DLG2: variants seen among roughly 807,000 people sequenced by gnomAD.
DLG2 encodes discs large MAGUK scaffold protein 2.
Under a neutral mutation model 132.5 loss-of-function variants are expected in DLG2, and 45 were observed. That is an observed-to-expected ratio of 0.34 (90% CI 0.27 to 0.44). DLG2 has a LOEUF of 0.44. Ranked by LOEUF, DLG2 falls within the 20% of genes least tolerant of loss-of-function variation. The pLI is 1.00. For missense variants in DLG2, 1,045 were observed against 1,196.9 expected, an observed-to-expected ratio of 0.87 and a Z score of 1.87; for synonymous variants, 424 against 419.6, an observed-to-expected ratio of 1.01 and a Z score of -0.13.
intron 6 of DLG2, among the ~76,000 whole-genome samples, chr11:84,713,430 T>C (rs1190702244): frequency 6.6e-6 from 1 of 152,144 alleles, no homozygotes; most frequent in African/African-American, 2.4e-5. Context: ...TCAGTGTGTG[T>C]ATGTATTGAG....
At chr11:85,278,429 C>G (rs746483378) in intron 4 of DLG2, among the ~76,000 whole-genome samples, 4 of 152,026 alleles carry the variant, frequency 2.6e-5, no homozygotes, top group Non-Finnish European at 4.4e-5. Flanking sequence ...TGGTGAAACC[C>G]GTCTGTACTA....
intron 21 of DLG2, among the ~76,000 whole-genome samples, chr11:83,524,032 A>G (rs867217726): frequency 1.3e-5 from 2 of 152,188 alleles, no homozygotes; most frequent in African/African-American, 4.8e-5. Flanking sequence ...AGAAAAGAGT[A>G]GTGTTAGGAA....
At chr11:84,927,990 C>T (rs2047604464) in intron 6 of DLG2, among the ~76,000 whole-genome samples, 1 of 151,900 alleles carries the variant, frequency 6.6e-6, no homozygotes, top group South Asian at 2.1e-4. Flanking sequence ...GTTTGAGAAT[C>T]ACTGCTCTGA....
intron 15 of DLG2, among the ~76,000 whole-genome samples, chr11:83,919,340 G>A (rs2077451713): frequency 6.6e-6 from 1 of 152,062 alleles, no homozygotes; most frequent in Non-Finnish European, 1.5e-5. Context: ...AAAGGAAAAC[G>A]GGGCTACTAT....
At chr11:85,483,597 T>A (rs965255655) in intron 3 of DLG2, among the ~76,000 whole-genome samples, 1 of 152,168 alleles carries the variant, frequency 6.6e-6, no homozygotes, top group African/African-American at 2.4e-5. Context: ...CTAACTGCAA[T>A]GGTGATATGT....
intron 6 of DLG2, among the ~76,000 whole-genome samples, chr11:84,567,797 C>T (rs2099463280): frequency 6.6e-6 from 1 of 152,086 alleles, no homozygotes; most frequent in Non-Finnish European, 1.5e-5. Context: ...AGCAACTATC[C>T]ACAGACAAGA....
At chr11:84,333,981 T>C (rs747026370) in intron 7 of DLG2, among the ~76,000 whole-genome samples, 3 of 152,158 alleles carry the variant, frequency 2.0e-5, no homozygotes, top group Non-Finnish European at 2.9e-5. Flanking sequence ...GGGTGAGGTA[T>C]CTGCTACCAA....
intron 16 of DLG2, among the ~76,000 whole-genome samples, chr11:83,848,470 T>C (rs1050707922): frequency 7.2e-5 from 11 of 152,226 alleles, no homozygotes; most frequent in African/African-American, 2.4e-4. Flanking sequence ...CCCAGAATTT[T>C]TTTTCTCCCT....
At chr11:85,464,470 T>C (rs2092716881) in intron 3 of DLG2, among the ~76,000 whole-genome samples, 1 of 152,108 alleles carries the variant, frequency 6.6e-6, no homozygotes, top group Non-Finnish European at 1.5e-5. Flanking sequence ...ATGTTCCCTG[T>C]GAGCTTAGTC....
rs768408315 is a variant in DLG2 at position 83,569,024 on chromosome 11, ATAATGTT to A, written c.1941-27173_1941-27167del. Among the ~76,000 whole-genome samples the A allele has an allele frequency of 3.9e-5, 6 of 152,198 alleles. No individual in the cohort carries two copies. The East Asian group carries it at 1.2e-3, about 29-fold the overall frequency. ...AATTACTTATCACTGTCTCAAAGGA[ATAATGTT>A]GGTTTTCACAACATCCCAGTTTCAG... On this transcript the variant is annotated intron_variant, in intron 19 of 27. Transcript: ENST00000376104.
At chr11:83,510,632 A>G (rs1323299579) in intron 21 of DLG2, among the ~76,000 whole-genome samples, 1 of 152,004 alleles carries the variant, frequency 6.6e-6, no homozygotes, top group African/African-American at 2.4e-5. Flanking sequence ...GGATGAGAAC[A>G]CAGGCCCCTT....
At chr11:85,432,939 A>C (rs1047468296) in intron 3 of DLG2, among the ~76,000 whole-genome samples, 3 of 152,194 alleles carry the variant, frequency 2.0e-5, no homozygotes, top group Non-Finnish European at 4.4e-5. Flanking sequence ...TCACCTACCA[A>C]GGAAAGCCCA....
chr11:83,630,015 A>G (rs1022267530), intron 19 of DLG2, among the ~76,000 whole-genome samples: 3 of 152,188 alleles, frequency 2.0e-5, no homozygotes, highest in African/African-American at 7.2e-5. Context: ...TTCCCACAGA[A>G]CAAGAACAGT....
intron 6 of DLG2, among the ~76,000 whole-genome samples, chr11:84,864,067 G>C (rs4944498): frequency 0.52 from 78,337 of 152,022 alleles, 21,469 homozygotes; most frequent in African/African-American, 0.7. Context: ...CAGTGGAGAG[G>C]AATATATTGG....
At chr11:84,997,132 G>A (rs549337320) in intron 6 of DLG2, 1 of 153,020 alleles carries the variant, frequency 6.5e-6, no homozygotes, top group Non-Finnish European at 1.5e-5. Flanking sequence ...TGTAATCTTA[G>A]GTAAAGTATA....
chr11:85,558,954 A>G (rs886716733), intron 3 of DLG2, among the ~76,000 whole-genome samples: 11 of 151,716 alleles, frequency 7.3e-5, no homozygotes, highest in African/African-American at 2.7e-4. Context: ...AATTGAAAAC[A>G]TTTTTTTAAA....
chr11:84,663,503 C>G (rs749945720), intron 6 of DLG2, among the ~76,000 whole-genome samples: 3 of 152,024 alleles, frequency 2.0e-5, no homozygotes, highest in Non-Finnish European at 4.4e-5. Context: ...AGAGTAGACA[C>G]AGAGCACAGC....
intron 18 of DLG2, among the ~76,000 whole-genome samples, chr11:83,691,688 A>T (rs1364854929): frequency 1.3e-5 from 2 of 152,052 alleles, no homozygotes; most frequent in East Asian, 3.9e-4. Flanking sequence ...GATAGAAGAT[A>T]CTCTGCATAT....
intron 18 of DLG2, among the ~76,000 whole-genome samples, chr11:83,752,403 C>A (rs537736073): frequency 3.6e-4 from 55 of 152,228 alleles, no homozygotes; most frequent in African/African-American, 1.3e-3. Flanking sequence ...GGAAAATCAT[C>A]CAAGTATGAA....
Sources: gnomAD v4.1 joint callset for allele counts (sites outside exome capture counted in the v4.1 genomes callset) on GRCh38, gnomAD v4.1.1 for gene constraint, MANE v1.5 for transcripts, NCBI Gene and HGNC (gene_info 2026-07-23, HGNC 2026-07-21) for gene names.